The following ANKRD44 variants were observed in gnomAD, a reference collection of about 807,000 sequenced individuals.
ANKRD44 encodes ankyrin repeat domain 44, also known as serine/threonine-protein phosphatase 6 regulatory ankyrin repeat subunit B.
In ANKRD44, 35 loss-of-function variants were observed where a neutral mutation model predicts 116.0. The observed-to-expected ratio is 0.30, with a 90% CI of 0.23 to 0.40. The LOEUF (loss-of-function observed/expected upper bound fraction) is 0.40, where lower values mean the gene tolerates loss of function less well. Ranked by LOEUF, ANKRD44 falls within the 10% of genes least tolerant of loss-of-function variation. The probability of loss-of-function intolerance (pLI) is 1.00; values close to 1 mark genes in which losing one functional copy is unlikely to be tolerated. For synonymous variants in ANKRD44, 435 were observed against 461.8 expected (o/e 0.94, Z 0.74); for missense variants, 1,014 against 1,242.6 (o/e 0.82, Z 2.77).
At chr2:197,151,596 G>A (rs923561624) in intron 2 of ANKRD44, among the ~76,000 whole-genome samples, 1 of 152,154 alleles carries the variant, frequency 6.6e-6, no homozygotes, top group South Asian at 2.1e-4. Context: ...GGAAAAATAA[G>A]CACAGGAACT....
chr2:197,146,964 T>C, intron 3 of ANKRD44, 63 bp downstream of exon 3: 2 of 1,456,046 alleles, frequency 1.4e-6, no homozygotes, highest in South Asian at 1.2e-5. Context: ...TAGTAGTCAA[T>C]CTAGTAAATT....
At chr2:197,149,457 T>C (rs188617578) in intron 2 of ANKRD44, among the ~76,000 whole-genome samples, 1 of 152,314 alleles carries the variant, frequency 6.6e-6, no homozygotes, top group East Asian at 1.9e-4. Flanking sequence ...GTTGCATGAA[T>C]ACTGTAAAAA....
chr2:197,109,580 A>G (rs1447138351), intron 9 of ANKRD44, among the ~76,000 whole-genome samples: 2 of 152,214 alleles, frequency 1.3e-5, no homozygotes, highest in African/African-American at 4.8e-5. Context: ...TTAAGTGACT[A>G]AGACATAACT....
At position 197,121,519 on chromosome 2, in the gene ANKRD44, T is replaced by G. The variant is rs1384786678; in HGVS notation, c.719A>C (p.Asn240Thr). The G allele has an allele frequency of 1.9e-6, 3 of 1,614,074 alleles. No individual in the cohort carries two copies. The highest frequency in any genetic ancestry group is 1.7e-6 in the Non-Finnish European group (2 of 1,180,040). The change falls in exon 8 of 28, where the codon AAT becomes ACT. Residue 240 changes from asparagine to threonine, a missense_variant. Physicochemically the swap from Asn to Thr is moderately conservative, Grantham distance 65 (BLOSUM62 0). Coordinates refer to ENST00000282272, the MANE Select transcript of ANKRD44 (RefSeq NM_001195144.2). ...VEIDEINVYG[N>T]TALHIACYNG... The stretch of plus-strand genomic sequence containing the variant: ...GTAGCAGGCGATGTGAAGCGCTGTA[T>G]TTCCATAGACATTGATTTCATCAAT...
chr2:197,198,211 A>G (rs1170444498), intron 1 of ANKRD44: 2 of 152,288 alleles, frequency 1.3e-5, no homozygotes, highest in Non-Finnish European at 2.9e-5. Context: ...GCTGAGTAGT[A>G]GACAGGGATC....
At chr2:197,282,048 T>TA (rs1390369500) in intron 1 of ANKRD44, among the ~76,000 whole-genome samples, 2 of 152,042 alleles carry the variant, frequency 1.3e-5, no homozygotes, top group Non-Finnish European at 2.9e-5. Flanking sequence ...GGTCAGGAGA[T>TA]AGAGACCATC....
At chr2:197,284,544 AATTT>A (rs2083354672) in intron 1 of ANKRD44, among the ~76,000 whole-genome samples, 1 of 78,158 alleles carries the variant, frequency 1.3e-5, no homozygotes, top group East Asian at 6.7e-4. Flanking sequence ...ACACACACAT[AATTT>A]GTGTGTTTAA....
At chr2:196,969,659 T>TA (rs1384869829) in intron 21 of ANKRD44, among the ~76,000 whole-genome samples, 1 of 152,262 alleles carries the variant, frequency 6.6e-6, no homozygotes, top group Non-Finnish European at 1.5e-5. Context: ...ATGGTAGATT[T>TA]AATCAAATGA....
chr2:197,044,991 A>G (rs1465361130), intron 16 of ANKRD44, among the ~76,000 whole-genome samples: 4 of 152,232 alleles, frequency 2.6e-5, no homozygotes, highest in Non-Finnish European at 5.9e-5. Flanking sequence ...TATTAAAATT[A>G]AATATTAACG....
At chr2:197,083,219 G>A in intron 14 of ANKRD44, 150 bp downstream of exon 14, 2 of 982,632 alleles carry the variant, frequency 2.0e-6, no homozygotes, top group Non-Finnish European at 2.9e-6. Flanking sequence ...GACCAGAACA[G>A]GAAAGCCCAG....
rs2075894317 is a variant in ANKRD44 at position 196,990,297 on chromosome 2, A to G, written c.2924-648T>C. On this transcript the variant is annotated intron_variant, in intron 27 of 27. Transcript: ENST00000282272. ...CTTCCCTTCCCTCCCAGGGGACATG[A>G]ATGTCACACTGATATACTTCTGAGA... The G allele has an allele frequency of 3.0e-6, 3 of 990,598 alleles. No homozygotes were observed. In the South Asian group the frequency reaches 1.4e-4, roughly 46 times the overall value. The allele number at this position is 990,598 out of a possible 1,614,324, so 61.4% of individuals were successfully genotyped here.
chr2:197,210,288 A>G (rs1005458531), intron 1 of ANKRD44, among the ~76,000 whole-genome samples: 1 of 152,222 alleles, frequency 6.6e-6, no homozygotes, highest in Non-Finnish European at 1.5e-5. Context: ...TTATTGAGCT[A>G]CTACTGTATG....
chr2:196,995,848 A>G (rs892553195), intron 25 of ANKRD44, among the ~76,000 whole-genome samples: 2 of 152,224 alleles, frequency 1.3e-5, no homozygotes, highest in African/African-American at 4.8e-5. Flanking sequence ...TCCTATTTCA[A>G]GACGTCAGTT....
At chr2:197,116,293 T>C (rs1486602899) in intron 8 of ANKRD44, among the ~76,000 whole-genome samples, 1 of 152,204 alleles carries the variant, frequency 6.6e-6, no homozygotes, top group East Asian at 1.9e-4. Flanking sequence ...TGTGAATTAA[T>C]TAAGTGGAGG....
chr2:197,055,768 T>C (rs778954184), intron 16 of ANKRD44, among the ~76,000 whole-genome samples: 2 of 151,822 alleles, frequency 1.3e-5, no homozygotes, highest in Non-Finnish European at 2.9e-5. Context: ...CAACTCCCTA[T>C]TCTGTTCTTT....
At chr2:196,979,401 A>G (rs2075783581) in intron 21 of ANKRD44, among the ~76,000 whole-genome samples, 1 of 150,410 alleles carries the variant, frequency 6.6e-6, no homozygotes, top group Non-Finnish European at 1.5e-5. Context: ...AAAAAAAAAA[A>G]AAAAAGAATG....
chr2:197,126,807 T>C (rs2078985178), intron 4 of ANKRD44, among the ~76,000 whole-genome samples: 1 of 151,424 alleles, frequency 6.6e-6, no homozygotes, highest in East Asian at 2.0e-4. Context: ...TTGCTTTTAA[T>C]GGCAAAAACC....
intron 1 of ANKRD44, among the ~76,000 whole-genome samples, chr2:197,223,449 G>A (rs1203771159): frequency 6.6e-6 from 1 of 151,990 alleles, no homozygotes; most frequent in Non-Finnish European, 1.5e-5. Flanking sequence ...TATGTTTTGG[G>A]GATTTATTCA....
chr2:197,156,129 G>A (rs1035405057), intron 2 of ANKRD44, among the ~76,000 whole-genome samples: 12 of 152,180 alleles, frequency 7.9e-5, no homozygotes, highest in Admixed American at 2.6e-4. Flanking sequence ...GGCGGATCAC[G>A]AGGTCAGGAG....
Sources: gnomAD v4.1 joint callset for allele counts (sites outside exome capture counted in the v4.1 genomes callset) on GRCh38, gnomAD v4.1.1 for gene constraint, MANE v1.5 for transcripts, NCBI Gene and HGNC (gene_info 2026-07-23, HGNC 2026-07-21) for gene names.